Variants in CSMD1 observed in about 807,000 individuals in gnomAD.
CSMD1 encodes CUB and sushi domain-containing protein 1.
In CSMD1, 213 loss-of-function variants were observed where a neutral mutation model predicts 417.5. The ratio of observed to expected loss-of-function variants is 0.51; its 90% confidence interval spans 0.46 to 0.57. The LOEUF (loss-of-function observed/expected upper bound fraction) is 0.57. Among genes scored for constraint, CSMD1 ranks in the 20% least tolerant of loss-of-function variants. The pLI is 0.00. For synonymous variants in CSMD1, 2,862 were observed against 1,736.8 expected, an observed-to-expected ratio of 1.65 and a Z score of -16.11; for missense variants, 6,923 against 4,529.7, an observed-to-expected ratio of 1.53 and a Z score of -15.17.
rs145934702 is a variant in CSMD1, at chr8:3,207,083, C to T, written c.4868-1463G>A. On this transcript the variant is annotated intron_variant, in intron 30 of 69. Transcript: ENST00000635120. Reference sequence around the variant, plus strand: ...GAATTCAGAATTAGCTTCAGTATTTCAGAAAGATTATATTTCTACAGCTCA... The same window carrying T: ...GAATTCAGAATTAGCTTCAGTATTTTAGAAAGATTATATTTCTACAGCTCA... 1.1e-4 allele frequency among the ~76,000 whole-genome samples: 17 copies of T among 151,304 alleles called. No individual in the cohort carries two copies. In the East Asian group the frequency reaches 3.3e-3, roughly 29 times the overall value.
intron 5 of CSMD1, among the ~76,000 whole-genome samples, chr8:3,755,367 A>C (rs1006629037): frequency 2.1e-4 from 32 of 152,238 alleles, no homozygotes; most frequent in Non-Finnish European, 4.3e-4. Flanking sequence ...ATGTACCTGA[A>C]GCACATTCTC....
At chr8:3,944,611 A>C (rs1251665425) in intron 5 of CSMD1, among the ~76,000 whole-genome samples, 1 of 152,152 alleles carries the variant, frequency 6.6e-6, no homozygotes, top group East Asian at 1.9e-4. Flanking sequence ...ATATGCCAAC[A>C]TATTCACCAA....
intron 15 of CSMD1, among the ~76,000 whole-genome samples, chr8:3,403,800 A>G (rs2116887472): frequency 6.6e-6 from 1 of 152,322 alleles, no homozygotes; most frequent in African/African-American, 2.4e-5. Context: ...ATCTTTGAGC[A>G]CCACATGTGT....
chr8:4,838,224 G>A (rs529632432), intron 1 of CSMD1, among the ~76,000 whole-genome samples: 2 of 152,282 alleles, frequency 1.3e-5, no homozygotes, highest in East Asian at 1.9e-4. Flanking sequence ...ATCTCCTTAG[G>A]GTTTCGTTCT....
chr8:3,887,952 T>G (rs375494983), intron 5 of CSMD1, among the ~76,000 whole-genome samples: 1 of 152,144 alleles, frequency 6.6e-6, no homozygotes, highest in Non-Finnish European at 1.5e-5. Context: ...TAGCAATACT[T>G]AAGAAAACAG....
At chr8:3,399,691 G>A (rs923725353) in intron 15 of CSMD1, among the ~76,000 whole-genome samples, 162 bp from the exon 16 acceptor site, 1 of 152,198 alleles carries the variant, frequency 6.6e-6, no homozygotes, top group South Asian at 2.1e-4. Flanking sequence ...TTTATTGAAA[G>A]CAGGGTCTAT....
rs550747086 is a variant in CSMD1, at chr8:3,881,886, G to C, written c.818+116017C>G. Among the ~76,000 whole-genome samples, 7 of 152,160 alleles carry C rather than the reference G, an allele frequency of 4.6e-5. No homozygotes were observed. The East Asian group carries it at 1.4e-3, about 29-fold the overall frequency. ...TTGACTTCTCCATAAATGGGGCTGG[G>C]TCAGTTGCATGTTCATACAGAAAAA... On this transcript the variant is annotated intron_variant, in intron 5 of 69. Transcript: ENST00000635120.
chr8:3,282,961 C>A (rs1802851292), intron 26 of CSMD1, among the ~76,000 whole-genome samples: 1 of 152,134 alleles, frequency 6.6e-6, no homozygotes, highest in Non-Finnish European at 1.5e-5. Flanking sequence ...AATAATATGG[C>A]ATCTCTCCAC....
chr8:3,029,217 A>G, intron 51 of CSMD1, 102 bp downstream of exon 51: 19 of 857,646 alleles, frequency 2.2e-5, no homozygotes, highest in Non-Finnish European at 3.1e-5. Context: ...CTATAGGACT[A>G]TGGTAGATGA....
intron 3 of CSMD1, among the ~76,000 whole-genome samples, chr8:4,081,304 A>G (rs60743504): frequency 0.13 from 19,218 of 152,162 alleles, 1,308 homozygotes; most frequent in Middle Eastern, 0.18. Flanking sequence ...GGTAAGCTCT[A>G]TGGTCCCCTC....
intron 2 of CSMD1, among the ~76,000 whole-genome samples, chr8:4,462,630 C>T (rs1163124121): frequency 6.6e-6 from 1 of 152,164 alleles, no homozygotes; most frequent in Non-Finnish European, 1.5e-5. Flanking sequence ...ATTATGCTTG[C>T]ATTAGACACA....
At chr8:4,279,835 G>C (rs1345544326) in intron 3 of CSMD1, among the ~76,000 whole-genome samples, 2 of 152,136 alleles carry the variant, frequency 1.3e-5, no homozygotes, top group Non-Finnish European at 2.9e-5. Context: ...CTGAGTGCTT[G>C]CCTGCAGCAG....
intron 3 of CSMD1, among the ~76,000 whole-genome samples, chr8:4,183,284 T>C (rs542723375): frequency 6.6e-6 from 1 of 152,274 alleles, no homozygotes; most frequent in African/African-American, 2.4e-5. Context: ...TAAAAAAATA[T>C]TTACACTACA....
chr8:4,297,119 T>C (rs1797729501), intron 3 of CSMD1, among the ~76,000 whole-genome samples: 2 of 152,058 alleles, frequency 1.3e-5, no homozygotes, highest in East Asian at 3.9e-4. Flanking sequence ...GTGTAATACG[T>C]TTTAATCTTA....
intron 3 of CSMD1, among the ~76,000 whole-genome samples, chr8:4,318,752 G>A (rs1267760287): frequency 3.4e-5 from 5 of 148,524 alleles, no homozygotes; most frequent in Non-Finnish European, 5.9e-5. Context: ...TGGTTGTACA[G>A]ATCAACCAAT....
At chr8:3,277,613 C>T (rs7813353) in intron 26 of CSMD1, among the ~76,000 whole-genome samples, 2,133 of 152,004 alleles carry the variant, frequency 0.014, 36 homozygotes, top group East Asian at 0.045. Flanking sequence ...TTACCAAAAC[C>T]GGGAAGATGT....
At chr8:3,997,305 C>A (rs1266192900) in intron 5 of CSMD1, among the ~76,000 whole-genome samples, 2 of 152,178 alleles carry the variant, frequency 1.3e-5, no homozygotes, top group African/African-American at 4.8e-5. Flanking sequence ...ATAGGCGGTA[C>A]TTCATTAGAT....
intron 2 of CSMD1, among the ~76,000 whole-genome samples, chr8:4,574,905 C>G (rs1175857794): frequency 6.6e-6 from 1 of 152,184 alleles, no homozygotes; most frequent in Admixed American, 6.6e-5. Flanking sequence ...GAATAACATA[C>G]ACACATATAA....
In CSMD1 at chr8:2,938,512, T is replaced by C; in HGVS notation, c.*73A>G. 7.0e-7 allele frequency: 1 copy of C among 1,430,698 alleles called. No individual in the cohort carries two copies. Among genetic ancestry groups the C allele is most frequent in the South Asian group, 1.3e-5 (1 of 75,250 alleles). The allele number at this position is 1,430,698 out of a possible 1,614,324, so 88.6% of individuals were successfully genotyped here. A position where few individuals can be genotyped will look rare whatever the true frequency, so the allele number is the denominator to read the frequency against. On this transcript the variant is annotated 3_prime_UTR_variant, in exon 70 of 70. Transcript: ENST00000635120. ...AGCCAGAGTGGAAGGGAGAGTGGTATATGGCACCAAAGGAATCACTGCTTG... is the reference window on the plus strand; with the variant it reads ...AGCCAGAGTGGAAGGGAGAGTGGTACATGGCACCAAAGGAATCACTGCTTG...
Sources: allele counts gnomAD v4.1 joint callset (sites outside exome capture counted in the v4.1 genomes callset), GRCh38; gene constraint gnomAD v4.1.1; transcripts MANE v1.5; gene names NCBI Gene and HGNC (gene_info 2026-07-23, HGNC 2026-07-21).